Variants in ACYP2 observed in about 807,000 individuals in gnomAD.
ACYP2 encodes acylphosphatase-2.
A neutral mutation model predicts 11.2 loss-of-function variants in ACYP2; 12 were observed. The observed-to-expected ratio is 1.08, with a 90% confidence interval of 0.69 to 1.74. The LOEUF is 1.74. Among genes scored for constraint, ACYP2 ranks in the 40% most tolerant of loss-of-function variants. The pLI, the probability that ACYP2 is intolerant of heterozygous loss-of-function variation, is 0.00. For synonymous variants in ACYP2, 43 were observed against 32.2 expected, an observed-to-expected ratio of 1.33 and a Z score of -1.13; for missense variants, 134 against 101.9, an observed-to-expected ratio of 1.31 and a Z score of -1.35.
chr2:54,193,920 G>A, intron 6 of ACYP2, among the ~76,000 whole-genome samples: 1 of 152,142 alleles, frequency 6.6e-6, no homozygotes, highest in East Asian at 1.9e-4. Flanking sequence ...ACATTATAGA[G>A]TAAAATATTC....
Position 54,201,638 on chromosome 2 carries a change from C to CTTTCTTTCTTTCTTTGTTTCTT in ACYP2, c.404+62905_404+62906insGTTTCTTTTTCTTTCTTTCTTT, listed in dbSNP as rs1572927290. ...TTTCTTTCTTTGTTTCTTTCTTTCT[C>CTTTCTTTCTTTCTTTGTTTCTT]TTTCTTTCTTTCTTTCTTTCTTTCT... is the stretch of plus-strand genomic sequence containing the variant. On this transcript the variant is annotated intron_variant, in intron 6 of 6. Coordinates refer to ENST00000607452, the MANE Select transcript of ACYP2 (RefSeq NM_001320586.2). Among the ~76,000 whole-genome samples, 201 of 59,786 alleles carry CTTTCTTTCTTTCTTTGTTTCTT rather than the reference C, an allele frequency of 3.4e-3. 9 individuals are homozygous for CTTTCTTTCTTTCTTTGTTTCTT. The highest frequency in any genetic ancestry group is 9.0e-3 in the East Asian group (21 of 2,328). 39.2% of individuals were successfully genotyped at this position (59,786 alleles called of 152,430 possible). A position where few individuals can be genotyped will look rare whatever the true frequency, so the allele number is the denominator to read the frequency against.
intron 6 of ACYP2, among the ~76,000 whole-genome samples, chr2:54,180,982 GA>G (rs1558592719): frequency 6.6e-6 from 1 of 152,158 alleles, no homozygotes; most frequent in African/African-American, 2.4e-5. Context: ...TTCAAGATAG[GA>G]ATTTTAGAGG....
intron 6 of ACYP2, among the ~76,000 whole-genome samples, chr2:54,205,778 T>C (rs531164665): frequency 8.3e-4 from 126 of 152,270 alleles, no homozygotes; most frequent in African/African-American, 2.7e-3. Flanking sequence ...TCAGAGCCTT[T>C]AGTCTACACA....
chr2:54,145,019 T>C (rs1238216594), intron 6 of ACYP2, among the ~76,000 whole-genome samples: 1 of 152,116 alleles, frequency 6.6e-6, no homozygotes, highest in Non-Finnish European at 1.5e-5. Context: ...ACAGTTTTTT[T>C]CTTTTCCATT....
intron 6 of ACYP2, among the ~76,000 whole-genome samples, chr2:54,211,294 T>C (rs1329132996): frequency 6.6e-6 from 1 of 152,244 alleles, no homozygotes; most frequent in Non-Finnish European, 1.5e-5. Flanking sequence ...ATAAATACTT[T>C]GGGCTCCAAA....
At chr2:54,014,304 A>G (rs1228607028) in intron 2 of ACYP2, among the ~76,000 whole-genome samples, 1 of 151,830 alleles carries the variant, frequency 6.6e-6, no homozygotes, top group Non-Finnish European at 1.5e-5. Context: ...GATTATCTTC[A>G]CTTTATTTCT....
intron 4 of ACYP2, among the ~76,000 whole-genome samples, chr2:54,117,752 A>G (rs1252999429): frequency 1.3e-5 from 2 of 152,118 alleles, no homozygotes; most frequent in Admixed American, 6.6e-5. Flanking sequence ...TTGTAAAGAG[A>G]TCTTTTTTTA....
intron 6 of ACYP2, among the ~76,000 whole-genome samples, chr2:54,204,939 T>C (rs1470655371): frequency 6.6e-6 from 1 of 152,208 alleles, no homozygotes; most frequent in Non-Finnish European, 1.5e-5. Flanking sequence ...TCATTTTACA[T>C]CCTTTTGGAA....
chr2:54,294,472 G>T (rs1689439200), intron 6 of ACYP2, among the ~76,000 whole-genome samples: 1 of 152,130 alleles, frequency 6.6e-6, no homozygotes, highest in Admixed American at 6.5e-5. Context: ...AGAGGGCTCG[G>T]TGGGATGGTA....
chr2:54,095,327 C>T (rs1678465021), intron 4 of ACYP2, among the ~76,000 whole-genome samples: 1 of 152,246 alleles, frequency 6.6e-6, no homozygotes, highest in Non-Finnish European at 1.5e-5. Context: ...TCAATCTTTT[C>T]CCCACCTTTC....
rs111432130 is a variant in ACYP2, at chr2:54,111,785, C to T, written c.278-23668C>T. On this transcript the variant is annotated intron_variant, in intron 4 of 6. Coordinates refer to ENST00000607452, the MANE Select transcript of ACYP2 (RefSeq NM_001320586.2). ...CAACATAATGATTACAAAAATATTT[C>T]AGGGATAGAAATATGCCGATGGATA... Among the ~76,000 whole-genome samples, 440 of 152,326 alleles carry T rather than the reference C, an allele frequency of 2.9e-3. 5 individuals are homozygous for T. The highest frequency in any genetic ancestry group is 0.01 in the African/African-American group (419 of 41,574).
intron 6 of ACYP2, among the ~76,000 whole-genome samples, chr2:54,258,843 C>G (rs1443857080): frequency 6.6e-6 from 1 of 152,144 alleles, no homozygotes; most frequent in Non-Finnish European, 1.5e-5. Flanking sequence ...GCTTATTTAA[C>G]TCACAATTCT....
intron 6 of ACYP2, among the ~76,000 whole-genome samples, chr2:54,178,891 A>G (rs1683587156): frequency 6.6e-6 from 1 of 152,180 alleles, no homozygotes; most frequent in African/African-American, 2.4e-5. Context: ...ATCTTGTCTT[A>G]GTCCATTCAC....
chr2:54,099,271 T>TA (rs760559140), intron 4 of ACYP2, among the ~76,000 whole-genome samples: 3 of 152,230 alleles, frequency 2.0e-5, no homozygotes, highest in Non-Finnish European at 4.4e-5. Flanking sequence ...CTCAAATACT[T>TA]ACTTTTGTGT....
intron 4 of ACYP2, among the ~76,000 whole-genome samples, chr2:54,095,030 GC>G (rs1678445382): frequency 1.7e-5 from 2 of 120,580 alleles, no homozygotes; most frequent in African/African-American, 5.5e-5. Context: ...AGAGGACCCT[GC>G]GGCCTTCCGC....
intron 6 of ACYP2, among the ~76,000 whole-genome samples, chr2:54,140,525 C>G (rs905889964): frequency 1.0e-3 from 22 of 21,160 alleles, no homozygotes; most frequent in African/African-American, 3.8e-3. Flanking sequence ...CACATTCTCT[C>G]TCTCACACAC....
intron 4 of ACYP2, among the ~76,000 whole-genome samples, chr2:54,091,936 T>C (rs1206921761): frequency 6.6e-6 from 1 of 151,950 alleles, no homozygotes; most frequent in African/African-American, 2.4e-5. Context: ...AGAAAGAAAG[T>C]GTTTGTAATA....
intron 6 of ACYP2, among the ~76,000 whole-genome samples, chr2:54,160,808 A>G (rs1404997246): frequency 1.3e-5 from 2 of 152,194 alleles, no homozygotes; most frequent in Admixed American, 6.5e-5. Context: ...GTGACACAAT[A>G]GTATTTGTGG....
intron 4 of ACYP2, among the ~76,000 whole-genome samples, chr2:54,102,173 C>T (rs34769118): frequency 0.37 from 56,417 of 152,008 alleles, 11,301 homozygotes; most frequent in East Asian, 0.73. Context: ...GCCAGCAGTG[C>T]GTGAGAGTCT....
Sources: allele counts gnomAD v4.1 joint callset (sites outside exome capture counted in the v4.1 genomes callset), GRCh38; gene constraint gnomAD v4.1.1; transcripts MANE v1.5; gene names NCBI Gene and HGNC (gene_info 2026-07-23, HGNC 2026-07-21).